Variants in ARHGEF9 observed in about 807,000 individuals in gnomAD.
ARHGEF9 encodes rho guanine nucleotide exchange factor 9.
In ARHGEF9, 2 loss-of-function variants were observed where a neutral mutation model predicts 41.3. That is an observed-to-expected ratio of 0.05 (90% CI 0.02 to 0.15). The LOEUF is 0.15. Ranked by LOEUF, ARHGEF9 falls within the 10% of genes least tolerant of loss-of-function variation. The probability of loss-of-function intolerance (pLI) is 1.00; values close to 1 mark genes in which losing one functional copy is unlikely to be tolerated. For missense variants in ARHGEF9, 225 were observed against 424.7 expected, an observed-to-expected ratio of 0.53 and a Z score of 4.13; for synonymous variants, 160 against 154.4, an observed-to-expected ratio of 1.04 and a Z score of -0.27.
intron 4 of ARHGEF9, among the ~76,000 whole-genome samples, chrX:63,683,116 A>C (rs1457446296): frequency 7.2e-5 from 8 of 111,274 alleles, no homozygotes; most frequent in Non-Finnish European, 1.3e-4. Context: ...AAAAGAAAAA[A>C]ACCTGTTAGA....
At chrX:63,682,912 C>T (rs1488938473) in intron 4 of ARHGEF9, among the ~76,000 whole-genome samples, 4 of 111,201 alleles carry the variant, frequency 3.6e-5, no homozygotes, top group African/African-American at 1.3e-4. Flanking sequence ...AGCTTTTCCT[C>T]TAAGATCTGG....
At chrX:63,784,642 C>T (rs1194888238) in intron 1 of ARHGEF9, among the ~76,000 whole-genome samples, 2 of 111,637 alleles carry the variant, frequency 1.8e-5, no homozygotes, top group African/African-American at 6.5e-5. Flanking sequence ...AAAGGAGTTG[C>T]AGAAAATCTA....
chrX:63,716,591 A>C (rs2053318072), intron 2 of ARHGEF9, among the ~76,000 whole-genome samples: 1 of 111,735 alleles, frequency 8.9e-6, no homozygotes, highest in Non-Finnish European at 1.9e-5. Context: ...TCTACAAATT[A>C]AGAAACCATT....
At chrX:63,686,331 T>C (rs2050980028) in intron 4 of ARHGEF9, among the ~76,000 whole-genome samples, 1 of 109,988 alleles carries the variant, frequency 9.1e-6, no homozygotes, top group Non-Finnish European at 1.9e-5. Context: ...CACATGGAGG[T>C]AGAGGGTGGA....
intron 1 of ARHGEF9, among the ~76,000 whole-genome samples, chrX:63,746,075 T>C (rs1175773932): frequency 8.9e-6 from 1 of 112,272 alleles, no homozygotes; most frequent in Non-Finnish European, 1.9e-5. Context: ...TTGATCAAGA[T>C]CTGGCAGCAA....
intron 2 of ARHGEF9, among the ~76,000 whole-genome samples, chrX:63,713,888 T>C (rs1602525803): frequency 9.0e-6 from 1 of 111,085 alleles, no homozygotes; most frequent in East Asian, 2.8e-4. Context: ...CCTCTACCCC[T>C]CAAGGGAAGA....
At chrX:63,754,614 G>C in intron 1 of ARHGEF9, 1 of 1,023,257 alleles carries the variant, frequency 9.8e-7, no homozygotes, top group South Asian at 3.5e-5. Flanking sequence ...GTTCCAGGTG[G>C]GGGGCCGGCA....
At chrX:63,702,874 G>T (rs2052280678) in intron 3 of ARHGEF9, among the ~76,000 whole-genome samples, 1 of 112,102 alleles carries the variant, frequency 8.9e-6, no homozygotes, top group Admixed American at 9.5e-5. Flanking sequence ...AACTTAAAGA[G>T]CTCCTCCAAC....
chrX:63,666,447 T>C (rs868930293), intron 6 of ARHGEF9, among the ~76,000 whole-genome samples: 4 of 22,787 alleles, frequency 1.8e-4, no homozygotes, highest in Middle Eastern at 0.032. Flanking sequence ...CACATATATA[T>C]ATACATACAC....
intron 3 of ARHGEF9, among the ~76,000 whole-genome samples, chrX:63,698,538 T>C (rs2051934084): frequency 1.8e-5 from 2 of 111,764 alleles, no homozygotes; most frequent in African/African-American, 6.5e-5. Context: ...AACACTTTTC[T>C]TAAGGGTTGA....
At chrX:63,656,735 T>C (rs185961234) in intron 7 of ARHGEF9, 3 of 111,200 alleles carry the variant, frequency 2.7e-5, no homozygotes, top group African/African-American at 6.5e-5. Flanking sequence ...GTGACAATGA[T>C]ATATGCCACG....
At chrX:63,655,165 C>A (rs2147216221) in intron 8 of ARHGEF9, among the ~76,000 whole-genome samples, 1 of 112,103 alleles carries the variant, frequency 8.9e-6, no homozygotes, top group South Asian at 3.7e-4. Context: ...ACAGAGAGCT[C>A]AGGCTTTATG....
chrX:63,755,213 G>T, intron 1 of ARHGEF9: 1 of 938,545 alleles, frequency 1.1e-6, no homozygotes, highest in South Asian at 5.9e-5. Flanking sequence ...CATACCCGCC[G>T]ACCAATAACA....
intron 3 of ARHGEF9, among the ~76,000 whole-genome samples, chrX:63,702,068 A>G (rs2052221369): frequency 8.9e-6 from 1 of 112,755 alleles, no homozygotes; most frequent in African/African-American, 3.2e-5. Flanking sequence ...AATATACCAA[A>G]TGGAAATGAC....
At chrX:63,755,104 A>C in intron 1 of ARHGEF9, 1 of 937,983 alleles carries the variant, frequency 1.1e-6, no homozygotes, top group Non-Finnish European at 1.3e-6. Context: ...TGCTGGCCCT[A>C]TCCCTCTTCT....
intron 2 of ARHGEF9, among the ~76,000 whole-genome samples, chrX:63,719,341 C>T (rs1556412132): frequency 8.9e-6 from 1 of 112,153 alleles, no homozygotes; most frequent in Non-Finnish European, 1.9e-5. Flanking sequence ...AACACTATTG[C>T]CTTTAGTCTG....
At chrX:63,694,892 A>ATC (rs2051633553) in intron 4 of ARHGEF9, among the ~76,000 whole-genome samples, 3 of 112,333 alleles carry the variant, frequency 2.7e-5, no homozygotes, top group African/African-American at 9.7e-5. Flanking sequence ...ATAAAAATGA[A>ATC]ATTCTAGAAC....
intron 1 of ARHGEF9, among the ~76,000 whole-genome samples, chrX:63,772,407 C>T (rs1336969674): frequency 9.0e-6 from 1 of 111,646 alleles, no homozygotes; most frequent in African/African-American, 3.3e-5. Flanking sequence ...CAAAGCAGAC[C>T]CTATCATTCC....
intron 1 of ARHGEF9, among the ~76,000 whole-genome samples, chrX:63,756,559 A>G (rs868987752): frequency 7.7e-4 from 87 of 112,620 alleles, no homozygotes; most frequent in African/African-American, 2.7e-3. Flanking sequence ...TAAGTGAAAG[A>G]CGTGAGAAAA....
Sources: allele counts gnomAD v4.1 joint callset (sites outside exome capture counted in the v4.1 genomes callset), GRCh38; gene constraint gnomAD v4.1.1; transcripts MANE v1.5; gene names NCBI Gene and HGNC (gene_info 2026-07-23, HGNC 2026-07-21).